CDH15: variants seen among roughly 807,000 people sequenced by gnomAD.
The protein encoded by CDH15 is cadherin-15.
In CDH15, 73 loss-of-function variants were observed where a neutral mutation model predicts 69.4. That is an observed-to-expected ratio of 1.05 (90% CI 0.87 to 1.28). The LOEUF is 1.28. Among genes scored for constraint, CDH15 ranks in the 50% most tolerant of loss-of-function variants. The pLI is 0.00. For missense variants in CDH15, 1,343 were observed against 1,133.6 expected, an observed-to-expected ratio of 1.18 and a Z score of -2.65; for synonymous variants, 624 against 507.7, an observed-to-expected ratio of 1.23 and a Z score of -3.08.
In CDH15 at chr16:89,179,316, T is replaced by C. The variant is rs1250956495; in HGVS notation, c.43-100T>C. On this transcript the variant is annotated intron_variant, in intron 1 of 13. Transcript: ENST00000289746. ...CCGACCCGTGGGCTGAGGGAAACACTGCGCCCCGTGGCCTCCTCACCACCC... is the reference window on the plus strand; with the variant it reads ...CCGACCCGTGGGCTGAGGGAAACACCGCGCCCCGTGGCCTCCTCACCACCC... 2.2e-6 allele frequency: 3 copies of C among 1,384,748 alleles called. No homozygotes were observed. In the Admixed American group the frequency reaches 5.3e-5, roughly 24 times the overall value. 85.8% of individuals were successfully genotyped at this position (1,384,748 alleles called of 1,614,324 possible). A position where few individuals can be genotyped will look rare whatever the true frequency, so the allele number is the denominator to read the frequency against.
Position 89,195,141 on chromosome 16 carries a change from G to T in CDH15, c.2431G>T (p.Gly811Cys). Residue 811 changes from glycine to cysteine, a missense_variant, in exon 14 of 14, where the codon GGC becomes TGC. Transcript: ENST00000289746. ...TGGGGCACTGCTACCCAGACACAGA[G>T]GCCGGACAGCCTGACCCTGGGGCGC... The part of the protein sequence containing the change: ...SPGALLPRHR[G>C]RTA 6.3e-7 allele frequency: 1 copy of T among 1,595,082 alleles called. No individual in the cohort carries two copies. The highest frequency in any genetic ancestry group is 1.3e-5 in the African/African-American group (1 of 74,872).
chr16:89,173,834 C>T (rs950910547), intron 1 of CDH15, among the ~76,000 whole-genome samples: 7 of 152,228 alleles, frequency 4.6e-5, no homozygotes, highest in African/African-American at 1.7e-4. Context: ...GCTGCACCTA[C>T]ACCATCCCTA....
intron 4 of CDH15, 69 bp from the exon 5 acceptor site, chr16:89,185,104 G>A (rs1478851092): frequency 8.2e-6 from 12 of 1,461,026 alleles, no homozygotes; most frequent in African/African-American, 2.8e-5. Context: ...GTGCCCCCAC[G>A]CCCCTCACAA....
At chr16:89,193,401 C>T (rs1023052451) in intron 11 of CDH15, 69 bp from the exon 12 acceptor site, 1 of 1,311,018 alleles carries the variant, frequency 7.6e-7, no homozygotes, top group Non-Finnish European at 1.1e-6. Flanking sequence ...CCTCCCACCT[C>T]CTTCGCAGCC....
rs772473085 is a variant in CDH15, at chr16:89,188,196, A to C, written c.889A>C (p.Arg297=). ...DLPGSPNWVA[R]FTILEGDPDG... ...GCCAGGCTCCCCAAACTGGGTGGCC[A>C]GGTTCACCATCCTGGAAGGCGACCC... The change falls in exon 7 of 14, where the codon AGG becomes CGG. Residue 297 remains arginine, a synonymous_variant. Transcript: ENST00000289746. 5 of 1,613,472 alleles carry C rather than the reference A, an allele frequency of 3.1e-6. No homozygotes were observed. Among genetic ancestry groups the C allele is most frequent in the Non-Finnish European group, 2.5e-6 (3 of 1,179,880 alleles).
At chr16:89,191,634 C>T in intron 9 of CDH15, 21 bp from the exon 10 acceptor site, 13 of 1,571,328 alleles carry the variant, frequency 8.3e-6, no homozygotes, top group Non-Finnish European at 1.1e-5. Context: ...GGTCACTAAG[C>T]CGCGGCCTCC....
Position 89,179,450 on chromosome 16 carries a change from G to C in CDH15, c.77G>C (p.Arg26Thr), listed in dbSNP as rs1455748455. 1 of 1,613,516 alleles carries C rather than the reference G, an allele frequency of 6.2e-7. No homozygotes were observed. The highest frequency in any genetic ancestry group is 2.2e-5 in the East Asian group (1 of 44,894). Residue 26 changes from arginine (R) to threonine (T), a missense_variant, in exon 2 of 14, where the codon AGG (arginine) becomes ACG (threonine). By Grantham distance (71) the Arg-to-Thr change is moderately conservative (BLOSUM62 -1). Coordinates refer to ENST00000289746, the MANE Select transcript of CDH15 (RefSeq NM_004933.3). The part of the protein sequence containing the change: ...LCLSLGVPGW[R>T]RPTTLYPWRR... Reference sequence around the variant, plus strand: ...CTGTCTTTGGGGGTTCCTGGATGGAGGAGGCCCACCACCCTGTACCCCTGG... The same window carrying C: ...CTGTCTTTGGGGGTTCCTGGATGGACGAGGCCCACCACCCTGTACCCCTGG...
rs1171876004 is a variant in CDH15 at position 89,195,035 on chromosome 16, G to T, written c.2325G>T (p.Arg775=). ...YLRDWGPRFA[R]LADMYGHPCG... ...GAGACTGGGGGCCCCGCTTCGCCCG[G>T]CTGGCAGACATGTATGGGCACCCGT... The change falls in exon 14 of 14, where the codon CGG becomes CGT. Residue 775 remains arginine, a synonymous_variant. Transcript: ENST00000289746. The T allele has an allele frequency of 1.2e-6, 2 of 1,612,518 alleles. No homozygotes were observed. The highest frequency in any genetic ancestry group is 4.5e-5 in the East Asian group (2 of 44,874).
Position 89,193,593 on chromosome 16 carries a change from G to T in CDH15, c.1979G>T (p.Gly660Val), listed in dbSNP as rs144121846. 4 of 1,600,996 alleles carry T rather than the reference G, an allele frequency of 2.5e-6. 1 individual carries two copies. In the East Asian group the frequency reaches 9.0e-5, roughly 36 times the overall value. Reference protein sequence around the residue: ...NVLNYDEQGGGEEDQDAYDIS... With the variant: ...NVLNYDEQGGVEEDQDAYDIS... ...CTCAACTACGATGAGCAAGGAGGCG[G>T]GGAGGAGGACCAGGTGAGGGGGCAG... Residue 660 changes from glycine to valine, a missense_variant, in exon 12 of 14, where the codon GGG becomes GTG. Coordinates refer to ENST00000289746, the MANE Select transcript of CDH15 (RefSeq NM_004933.3).
intron 7 of CDH15, among the ~76,000 whole-genome samples, chr16:89,189,297 C>CCACGCACAGATGGCGG: frequency 7.8e-6 from 1 of 128,330 alleles, no homozygotes; most frequent in Non-Finnish European, 1.7e-5. Flanking sequence ...ACACAGATGC[C>CCACGCACAGATGGCGG]CACACACAGA....
chr16:89,183,446 C>T, intron 3 of CDH15, 102 bp from the exon 4 acceptor site: 1 of 1,365,976 alleles, frequency 7.3e-7, no homozygotes. Context: ...GTGTTTCCAG[C>T]TGGAGACAAA....
chr16:89,188,154 G>T lies in CDH15; in HGVS notation c.847G>T (p.Val283Leu), dbSNP rs1179671361. 5.0e-6 allele frequency: 8 copies of T among 1,613,376 alleles called. No homozygotes were observed. The highest frequency in any genetic ancestry group is 1.3e-5 in the African/African-American group (1 of 74,934). ...CGGAGTGGATGTGGGACGCCTGGAA[G>T]TGGAGGACAGGGACCTGCCAGGCTC... ...VSGVDVGRLE[V>L]EDRDLPGSPN... Residue 283 changes from valine to leucine, a missense_variant, in exon 7 of 14, where the codon GTG becomes TTG. Transcript: ENST00000289746.
At chr16:89,185,737 T>G in intron 5 of CDH15, 1 of 317,722 alleles carries the variant, frequency 3.1e-6, no homozygotes, top group Non-Finnish European at 6.2e-6. Context: ...GAAGCCCTCC[T>G]GGTTACACTG....
chr16:89,191,550 C>G (rs1915641604), intron 9 of CDH15, 78 bp downstream of exon 9: 3 of 1,592,028 alleles, frequency 1.9e-6, no homozygotes, highest in Non-Finnish European at 2.6e-6. Flanking sequence ...TCGGAGGGCT[C>G]TGCCCATGTC....
Position 89,195,118 on chromosome 16 carries a change from G to A in CDH15, c.2408G>A (p.Gly803Glu). The A allele has an allele frequency of 6.2e-7, 1 of 1,606,242 alleles. No homozygotes were observed. The highest frequency in any genetic ancestry group is 1.1e-5 in the South Asian group (1 of 90,744). Reference sequence around the variant, plus strand: ...CAGGCCAGGGAGGGTCTTTCTCCTGGGGCACTGCTACCCAGACACAGAGGC... The same window carrying A: ...CAGGCCAGGGAGGGTCTTTCTCCTGAGGCACTGCTACCCAGACACAGAGGC... ...DHQAREGLSP[G>E]ALLPRHRGRT... Residue 803 changes from glycine to glutamate, a missense_variant, in exon 14 of 14, where the codon GGG becomes GAG. Physicochemically the swap from Gly to Glu is moderately conservative, Grantham distance 98 (BLOSUM62 -2). Transcript: ENST00000289746.
intron 1 of CDH15, among the ~76,000 whole-genome samples, chr16:89,178,955 G>C (rs1214453221): frequency 6.6e-6 from 1 of 152,206 alleles, no homozygotes. Context: ...CCCCAGCCCT[G>C]GCTGGCCCAG....
At chr16:89,191,922 C>G (rs911968489) in intron 10 of CDH15, 28 bp downstream of exon 10, 4 of 1,523,616 alleles carry the variant, frequency 2.6e-6, no homozygotes, top group African/African-American at 1.4e-5. Flanking sequence ...CCGCGCTCCC[C>G]CCATCCCCAC....
chr16:89,186,089 A>G (rs1915478682), intron 5 of CDH15: 1 of 145,066 alleles, frequency 6.9e-6, no homozygotes, highest in South Asian at 2.0e-4. Context: ...ACGCTTACCC[A>G]GCGCACAGTA....
Position 89,192,287 on chromosome 16 carries a change from G to C in CDH15, c.1698G>C (p.Gln566His), listed in dbSNP as rs1915666643. The C allele has an allele frequency of 6.5e-7, 1 of 1,531,732 alleles. No homozygotes were observed. The highest frequency in any genetic ancestry group is 8.7e-7 in the Non-Finnish European group (1 of 1,145,578). The allele number at this position is 1,531,732 out of a possible 1,614,324, so 94.9% of individuals were successfully genotyped here. ...RLSLLLRDSG[Q>H]PPQQREQPLN... Reference sequence around the variant, plus strand: ...GCCTGCTGCTCCGGGACTCGGGGCAGCCGCCCCAGCAGCGCGAGCAGCCTC... The same window carrying C: ...GCCTGCTGCTCCGGGACTCGGGGCACCCGCCCCAGCAGCGCGAGCAGCCTC... The change falls in exon 11 of 14, where the codon CAG (glutamine) becomes CAC (histidine). Residue 566 changes from glutamine (Q) to histidine (H), a missense_variant. By Grantham distance (24) the Gln-to-His change is conservative (BLOSUM62 0). Transcript: ENST00000289746.
Sources: allele counts gnomAD v4.1 joint callset (sites outside exome capture counted in the v4.1 genomes callset), GRCh38; gene constraint gnomAD v4.1.1; transcripts MANE v1.5; gene names NCBI Gene and HGNC (gene_info 2026-07-23, HGNC 2026-07-21).